CFAP77: variants seen among roughly 807,000 people sequenced by gnomAD.
The protein encoded by CFAP77 is cilia- and flagella-associated protein 77.
Under a neutral mutation model 31.1 loss-of-function variants are expected in CFAP77, and 25 were observed. The observed-to-expected ratio is 0.80, with a 90% CI of 0.59 to 1.12. The LOEUF (loss-of-function observed/expected upper bound fraction) is 1.12, where lower values mean the gene tolerates loss of function less well. CFAP77 is among the 50% of genes most tolerant of loss of function. The probability of loss-of-function intolerance (pLI) is 0.00; values close to 1 mark genes in which losing one functional copy is unlikely to be tolerated. For missense variants in CFAP77, 377 were observed against 397.3 expected (o/e 0.95, Z 0.44); for synonymous variants, 151 against 159.9 (o/e 0.94, Z 0.42).
intron 3 of CFAP77, among the ~76,000 whole-genome samples, chr9:132,523,415 G>A (rs1027423670): frequency 5.3e-5 from 8 of 152,072 alleles, no homozygotes; most frequent in Admixed American, 1.3e-4. Flanking sequence ...ATCCACCCAC[G>A]TTTGTGCAGA....
chr9:132,479,850 A>G (rs1439399485), intron 1 of CFAP77, among the ~76,000 whole-genome samples: 1 of 152,064 alleles, frequency 6.6e-6, no homozygotes, highest in African/African-American at 2.4e-5. Flanking sequence ...CAAGCCTATG[A>G]ATTGGGTGGT....
chr9:132,510,372 C>T (rs184921999), intron 3 of CFAP77, among the ~76,000 whole-genome samples: 401 of 152,356 alleles, frequency 2.6e-3, no homozygotes, highest in African/African-American at 9.1e-3. Flanking sequence ...GTGCCTGGCC[C>T]GGCCGTGGGC....
At chr9:132,472,973 G>T (rs920897993) in intron 1 of CFAP77, among the ~76,000 whole-genome samples, 5 of 152,122 alleles carry the variant, frequency 3.3e-5, no homozygotes, top group African/African-American at 1.2e-4. Context: ...ATTTGGCTCT[G>T]CAGGCTGTAC....
chr9:132,534,370 T>C (rs941076786), intron 3 of CFAP77, among the ~76,000 whole-genome samples: 2 of 152,110 alleles, frequency 1.3e-5, no homozygotes, highest in Admixed American at 6.6e-5. Context: ...CCTAGCACTT[T>C]GGGAGGCTGA....
intron 5 of CFAP77, among the ~76,000 whole-genome samples, chr9:132,562,998 G>A (rs1007954626): frequency 1.3e-5 from 2 of 150,806 alleles, no homozygotes; most frequent in South Asian, 2.1e-4. Context: ...CCACCTGGCC[G>A]CAATTGGGGT....
intron 1 of CFAP77, among the ~76,000 whole-genome samples, chr9:132,475,271 A>G (rs1475670418): frequency 6.6e-6 from 1 of 152,248 alleles, no homozygotes; most frequent in Non-Finnish European, 1.5e-5. Context: ...TGAAAAGGGC[A>G]GTTGGATTCC....
chr9:132,412,060 C>T (rs1031956828), intron 1 of CFAP77, among the ~76,000 whole-genome samples: 3 of 152,246 alleles, frequency 2.0e-5, no homozygotes, highest in Admixed American at 6.5e-5. Context: ...CCGCCCCACC[C>T]AGCTATATCG....
chr9:132,438,945 G>A (rs904746785), intron 1 of CFAP77, among the ~76,000 whole-genome samples: 1 of 149,270 alleles, frequency 6.7e-6, no homozygotes, highest in Non-Finnish European at 1.5e-5. Flanking sequence ...GTGGGATCTC[G>A]GCTCACTGCA....
intron 1 of CFAP77, among the ~76,000 whole-genome samples, chr9:132,477,460 G>T (rs971593489): frequency 1.3e-5 from 2 of 152,208 alleles, no homozygotes; most frequent in Middle Eastern, 3.2e-3. Flanking sequence ...AATACATAGC[G>T]AGTTGTTGAT....
intron 1 of CFAP77, among the ~76,000 whole-genome samples, chr9:132,450,212 G>A (rs1175584854): frequency 2.0e-5 from 3 of 151,272 alleles, no homozygotes; most frequent in African/African-American, 7.3e-5. Flanking sequence ...TTACAGGTGT[G>A]AGCCACCACG....
chr9:132,484,645 G>C (rs371838659), intron 1 of CFAP77, among the ~76,000 whole-genome samples: 9 of 152,218 alleles, frequency 5.9e-5, no homozygotes, highest in African/African-American at 2.2e-4. Context: ...TCAGGACGTG[G>C]TGTGGTTTCT....
intron 3 of CFAP77, among the ~76,000 whole-genome samples, chr9:132,535,438 G>A (rs1219316039): frequency 2.0e-5 from 3 of 152,262 alleles, no homozygotes; most frequent in South Asian, 2.1e-4. Flanking sequence ...GAAGCTGGGC[G>A]AGGTGGCTCA....
At chr9:132,459,005 GA>G (rs1479961700) in intron 1 of CFAP77, among the ~76,000 whole-genome samples, 5 of 151,988 alleles carry the variant, frequency 3.3e-5, no homozygotes, top group Admixed American at 3.3e-4. Context: ...GGGTAAAAAT[GA>G]AAAGATAGTC....
chr9:132,425,397 C>T (rs538418975), intron 1 of CFAP77, among the ~76,000 whole-genome samples: 1 of 152,164 alleles, frequency 6.6e-6, no homozygotes, highest in Admixed American at 6.5e-5. Flanking sequence ...GCTCCCCAGT[C>T]CCCTCTCTCA....
At position 132,485,985 on chromosome 9, in the gene CFAP77, C is replaced by CAT. The variant is rs61265124; in HGVS notation, c.196-12655_196-12654dup. Among the ~76,000 whole-genome samples, 43 of 53,522 alleles carry CAT rather than the reference C, an allele frequency of 8.0e-4. 1 individual carries two copies. The highest frequency in any genetic ancestry group is 1.1e-3 in the Non-Finnish European group (33 of 29,810). 35.1% of individuals were successfully genotyped at this position (53,522 alleles called of 152,430 possible). A position where few individuals can be genotyped will look rare whatever the true frequency, so the allele number is the denominator to read the frequency against. On this transcript the variant is annotated intron_variant, in intron 1 of 5. Coordinates refer to ENST00000393216, the MANE Select transcript of CFAP77 (RefSeq NM_001282957.2). ...TGCTGGGATTTGAGAACACACACCT[C>CAT]ATATATATATATATATATATATATA...
intron 1 of CFAP77, among the ~76,000 whole-genome samples, chr9:132,414,331 A>G (rs1850060018): frequency 6.6e-6 from 1 of 152,146 alleles, no homozygotes; most frequent in Non-Finnish European, 1.5e-5. Context: ...ACAAGTTTAG[A>G]ATTCAGCGTT....
At chr9:132,442,166 A>T (rs902637767) in intron 1 of CFAP77, among the ~76,000 whole-genome samples, 1 of 152,154 alleles carries the variant, frequency 6.6e-6, no homozygotes, top group East Asian at 1.9e-4. Flanking sequence ...GGAACAAGGA[A>T]TTGCAGTGGG....
At chr9:132,452,427 C>T (rs56155330) in intron 1 of CFAP77, among the ~76,000 whole-genome samples, 12,570 of 152,270 alleles carry the variant, frequency 0.083, 508 homozygotes, top group Middle Eastern at 0.14. Context: ...GGGCTCAGCT[C>T]TGATTACCTT....
rs763334720 is a variant in CFAP77 at position 132,511,438 on chromosome 9, C to T, written c.524+11838C>T. 2.0e-5 allele frequency among the ~76,000 whole-genome samples: 3 copies of T among 152,228 alleles called. No homozygotes were observed. The highest frequency in any genetic ancestry group is 7.2e-5 in the African/African-American group (3 of 41,458). ...TGCCTGCAGACCTGAGCATCTCCCCCACCAGACTCAGTGGGGCGGGCCTGG... is the reference window on the plus strand; with the variant it reads ...TGCCTGCAGACCTGAGCATCTCCCCTACCAGACTCAGTGGGGCGGGCCTGG... On this transcript the variant is annotated intron_variant, in intron 3 of 5. Coordinates refer to ENST00000393216, the MANE Select transcript of CFAP77 (RefSeq NM_001282957.2). The surrounding 1 kb of genome is among the most constrained non-coding windows in gnomAD (Gnocchi z 5.8).
Sources: allele counts gnomAD v4.1 joint callset (sites outside exome capture counted in the v4.1 genomes callset), GRCh38; gene constraint gnomAD v4.1.1; non-coding constraint Gnocchi (gnomAD v3.1); transcripts MANE v1.5; gene names NCBI Gene and HGNC (gene_info 2026-07-23, HGNC 2026-07-21).